Variants in TTC14 observed in about 807,000 individuals in gnomAD.
The protein encoded by TTC14 is tetratricopeptide repeat domain 14.
Under a neutral mutation model 79.9 loss-of-function variants are expected in TTC14, and 63 were observed. The ratio of observed to expected loss-of-function variants is 0.79; its 90% CI spans 0.64 to 0.97. The LOEUF (loss-of-function observed/expected upper bound fraction) is 0.97. Ranked by LOEUF, TTC14 falls within the 50% of genes least tolerant of loss-of-function variation. The probability of loss-of-function intolerance (pLI) is 0.00; values close to 1 mark genes in which losing one functional copy is unlikely to be tolerated. For missense variants in TTC14, 895 were observed against 894.0 expected (o/e 1.00, Z -0.01); for synonymous variants, 335 against 309.6 (o/e 1.08, Z -0.86).
At chr3:180,605,049 G>T (rs755543995) in intron 6 of TTC14, 42 bp downstream of exon 6, 2 of 1,566,338 alleles carry the variant, frequency 1.3e-6, no homozygotes, top group South Asian at 2.3e-5. Context: ...GAGGGGAGTG[G>T]CAGTAAGCTC....
intron 7 of TTC14, 115 bp from the exon 8 acceptor site, chr3:180,606,138 A>C (rs1716669833): frequency 6.9e-7 from 1 of 1,446,754 alleles, no homozygotes; most frequent in Non-Finnish European, 9.4e-7. Flanking sequence ...GAGTACTCTG[A>C]AAACTAAATA....
downstream of TTC14, chr3:180,614,513 T>G (rs558124725): frequency 6.5e-6 from 1 of 154,066 alleles, no homozygotes; most frequent in African/African-American, 2.4e-5. Context: ...AATTTTGGTG[T>G]CTTGTAGGGT....
chr3:180,605,818 G>C lies in TTC14; in HGVS notation c.910G>C (p.Ala304Pro). The change falls in exon 7 of 12, where the codon GCA (alanine) becomes CCA (proline). Residue 304 changes from alanine to proline, a missense_variant. Ala to Pro is a conservative substitution (Grantham distance 27). Transcript: ENST00000296015. ...FASALRKKQS[A>P]SWALKCVKIG... The stretch of plus-strand genomic sequence containing the variant: ...TTCTGCATTGAGAAAAAAACAATCC[G>C]CATCTTGGGCTTTAAAATGGTATGA... 1 of 1,570,968 alleles carries C rather than the reference G, an allele frequency of 6.4e-7. No individual in the cohort carries two copies. The highest frequency in any genetic ancestry group is 8.6e-7 in the Non-Finnish European group (1 of 1,167,802).
intron 11 of TTC14, chr3:180,609,268 AAG>A: frequency 1.7e-6 from 1 of 575,336 alleles, no homozygotes; most frequent in Non-Finnish European, 2.2e-6. Context: ...ACCCCCTACC[AAG>A]AATTATTTGG....
chr3:180,602,579 C>T, intron 1 of TTC14, 157 bp downstream of exon 1: 2 of 1,051,128 alleles, frequency 1.9e-6, no homozygotes, highest in Middle Eastern at 6.3e-4. Flanking sequence ...ACGGGGGGCG[C>T]TCCTGGGTTG....
Position 180,611,010 on chromosome 3 carries a change from A to G in TTC14, c.*468A>G, listed in dbSNP as rs1716973583. 1 of 935,166 alleles carries G rather than the reference A, an allele frequency of 1.1e-6. No homozygotes were observed. The allele number at this position is 935,166 out of a possible 1,614,324, so 57.9% of individuals were successfully genotyped here. ...TCGAATGTTTCTTGAACACTTTTAT[A>G]TTTATCAGTTTAAATATTACATTTT... is the stretch of plus-strand genomic sequence containing the variant. On this transcript the variant is annotated 3_prime_UTR_variant, in exon 12 of 12. Transcript: ENST00000296015.
downstream of TTC14, among the ~76,000 whole-genome samples, chr3:180,611,474 C>T (rs950668915): frequency 6.6e-6 from 1 of 152,162 alleles, no homozygotes; most frequent in Non-Finnish European, 1.5e-5. Flanking sequence ...TTCTTCTTAC[C>T]ACCTCCTGTG....
At position 180,604,298 on chromosome 3, in the gene TTC14, A is replaced by T; in HGVS notation, c.560A>T (p.Asp187Val). The T allele has an allele frequency of 6.2e-7, 1 of 1,613,190 alleles. No individual in the cohort carries two copies. The highest frequency in any genetic ancestry group is 8.5e-7 in the Non-Finnish European group (1 of 1,179,598). Reference protein sequence around the residue: ...GDPLSYYQTGDIIRAGIKDID... With the variant: ...GDPLSYYQTGVIIRAGIKDID... ...CCTTTATCATATTACCAAACTGGTG[A>T]CATCATTCGAGGTGATTAGTTTCAT... Residue 187 changes from aspartate (D) to valine (V), a missense_variant, in exon 4 of 12, where the codon GAC becomes GTC. Coordinates refer to ENST00000296015, the MANE Select transcript of TTC14 (RefSeq NM_133462.4).
At chr3:180,602,706 T>A in intron 1 of TTC14, 185 bp from the exon 2 acceptor site, 2 of 773,560 alleles carry the variant, frequency 2.6e-6, no homozygotes, top group Non-Finnish European at 2.0e-6. Flanking sequence ...ACTTTTTAAG[T>A]TTCCCCGCTC....
Position 180,609,770 on chromosome 3 carries a change from G to A in TTC14, c.1541G>A (p.Arg514His), listed in dbSNP as rs369731004. 13 of 1,613,756 alleles carry A rather than the reference G, an allele frequency of 8.1e-6. No individual in the cohort carries two copies. Among genetic ancestry groups the A allele is most frequent in the Admixed American group, 3.3e-5 (2 of 59,964 alleles). ...KHKRNRSESS[R>H]SSRRHSSRAS... ...AAGAGGAACCGTTCAGAGTCTTCTC[G>A]CAGTTCCAGAAGGCATTCATCTAGG... The change falls in exon 12 of 12, where the codon CGC (arginine) becomes CAC (histidine). Residue 514 changes from arginine (R) to histidine (H), a missense_variant. Arg to His is a conservative substitution (Grantham distance 29). Transcript: ENST00000296015.
At position 180,603,824 on chromosome 3, in the gene TTC14, T is replaced by C. The variant is rs1035098694; in HGVS notation, c.487-401T>C. 1.8e-5 allele frequency: 4 copies of C among 227,138 alleles called. No homozygotes were observed. In the South Asian group the frequency reaches 1.8e-4, roughly 10 times the overall value. The allele number at this position is 227,138 out of a possible 1,614,324, so 14.1% of individuals were successfully genotyped here. On this transcript the variant is annotated intron_variant, in intron 3 of 11. Coordinates refer to ENST00000296015, the MANE Select transcript of TTC14 (RefSeq NM_133462.4). ...ACGATAAAAGATTGGGTATTTGCCA[T>C]CTATCCAGGCAGATAAAAAGGAAGA...
intron 10 of TTC14, chr3:180,608,007 A>C: frequency 8.1e-7 from 1 of 1,236,142 alleles, no homozygotes; most frequent in East Asian, 3.8e-5. Flanking sequence ...TGTTTTGAGA[A>C]ATGTCCTTAT....
rs1017672059 is a variant in TTC14, at chr3:180,610,663, A to G, written c.*121A>G. 20 of 1,443,832 alleles carry G rather than the reference A, an allele frequency of 1.4e-5. No individual in the cohort carries two copies. Among genetic ancestry groups the G allele is most frequent in the Non-Finnish European group, 1.5e-5 (17 of 1,102,812 alleles). 89.4% of individuals were successfully genotyped at this position (1,443,832 alleles called of 1,614,324 possible). On this transcript the variant is annotated 3_prime_UTR_variant, in exon 12 of 12. Transcript: ENST00000296015. ...TAAAATTATTTGTAGAGATTACAGG[A>G]AACAAATGCTTTTAAGTAAGTTTTT...
chr3:180,605,107 T>C, intron 6 of TTC14, 100 bp downstream of exon 6: 1 of 1,206,358 alleles, frequency 8.3e-7, no homozygotes. Flanking sequence ...CTAAGCCACC[T>C]AGTAGCAGGC....
At chr3:180,617,511 G>A in exon 13 of TTC14, 2 of 667,534 alleles carry the variant, frequency 3.0e-6, no homozygotes, top group Non-Finnish European at 5.5e-6. Flanking sequence ...AGACCTTCAA[G>A]TGGGACAAGA....
At position 180,605,940 on chromosome 3, in the gene TTC14, A is replaced by C. The variant is rs1360557268; in HGVS notation, c.929+103A>C. 3 of 1,163,540 alleles carry C rather than the reference A, an allele frequency of 2.6e-6. No individual in the cohort carries two copies. The East Asian group carries it at 7.3e-5, about 28-fold the overall frequency. The allele number at this position is 1,163,540 out of a possible 1,614,324, so 72.1% of individuals were successfully genotyped here. On this transcript the variant is annotated intron_variant, in intron 7 of 11. Transcript: ENST00000296015. ...AATAAGACAAATTTGAGATGCATTA[A>C]AGTGATGCCTTTTTGACATGAGCTT... is the stretch of plus-strand genomic sequence containing the variant.
Position 180,611,026 on chromosome 3 carries a change from A to G in TTC14, c.*484A>G, listed in dbSNP as rs1029520337. The G allele has an allele frequency of 3.1e-5, 29 of 940,848 alleles. No individual in the cohort carries two copies. Among genetic ancestry groups the G allele is most frequent in the Non-Finnish European group, 3.4e-5 (27 of 789,542 alleles). 58.3% of individuals were successfully genotyped at this position (940,848 alleles called of 1,614,324 possible). ...CACTTTTATATTTATCAGTTTAAATATTACATTTTTTGCCCAATTTTTTTT... is the reference window on the plus strand; with the variant it reads ...CACTTTTATATTTATCAGTTTAAATGTTACATTTTTTGCCCAATTTTTTTT... On this transcript the variant is annotated 3_prime_UTR_variant, in exon 12 of 12. Transcript: ENST00000296015.
chr3:180,606,704 A>G, intron 9 of TTC14, 101 bp downstream of exon 9: 1 of 1,334,498 alleles, frequency 7.5e-7, no homozygotes, highest in Admixed American at 2.4e-5. Flanking sequence ...TTAATTTATA[A>G]CACTCTTGGT....
In TTC14 at chr3:180,602,349, C is replaced by G; in HGVS notation, c.88C>G (p.His30Asp). The change falls in exon 1 of 12, where the codon CAC becomes GAC. Residue 30 changes from histidine (H) to aspartate (D), a missense_variant. By Grantham distance (81) the His-to-Asp change is moderately conservative (BLOSUM62 -1). Transcript: ENST00000296015. ...TCGGAGCGAACAGCAGGACAATCCA[C>G]ACTTCCGTAGCCTCCTGGGGTCGGC... ...LLRSEQQDNP[H>D]FRSLLGSAAE... 6.2e-7 allele frequency: 1 copy of G among 1,613,268 alleles called. No individual in the cohort carries two copies. The highest frequency in any genetic ancestry group is 8.5e-7 in the Non-Finnish European group (1 of 1,179,928).
Sources: allele counts gnomAD v4.1 joint callset (sites outside exome capture counted in the v4.1 genomes callset), GRCh38; gene constraint gnomAD v4.1.1; transcripts MANE v1.5; gene names NCBI Gene and HGNC (gene_info 2026-07-23, HGNC 2026-07-21).